SH3KBP1: variants seen among roughly 807,000 people sequenced by gnomAD.
SH3KBP1 encodes SH3 domain containing kinase binding protein 1, also known as SH3 domain-containing kinase-binding protein 1.
Under a neutral mutation model 50.1 loss-of-function variants are expected in SH3KBP1, and 8 were observed. That is an observed-to-expected ratio of 0.16 (90% CI 0.09 to 0.29). SH3KBP1 has a LOEUF of 0.29. Among genes scored for constraint, SH3KBP1 ranks in the 10% least tolerant of loss-of-function variants. The probability of loss-of-function intolerance (pLI) is 1.00; values close to 1 mark genes in which losing one functional copy is unlikely to be tolerated. For missense variants in SH3KBP1, 377 were observed against 535.2 expected (o/e 0.70, Z 2.92); for synonymous variants, 227 against 218.6 (o/e 1.04, Z -0.34).
At chrX:19,782,600 T>C (rs1029532672) in intron 2 of SH3KBP1, among the ~76,000 whole-genome samples, 12 of 111,314 alleles carry the variant, frequency 1.1e-4, no homozygotes. Flanking sequence ...TTTCGCAAGA[T>C]GGGATTCTGC....
At chrX:19,776,194 T>C (rs1209751490) in intron 2 of SH3KBP1, among the ~76,000 whole-genome samples, 1 of 111,772 alleles carries the variant, frequency 8.9e-6, no homozygotes, top group Admixed American at 9.6e-5. Flanking sequence ...AACATGTCAA[T>C]GTCCACGCTT....
chrX:19,764,139 A>T (rs1266558447), intron 2 of SH3KBP1, among the ~76,000 whole-genome samples: 1 of 109,659 alleles, frequency 9.1e-6, no homozygotes, highest in Non-Finnish European at 1.9e-5. Context: ...AAAAAGAAAC[A>T]CCCAGAAGCC....
Position 19,887,480 on chromosome X carries a change from CGCTGCTGCCTCTGCT to C in SH3KBP1, c.-185_-171del, listed in dbSNP as rs2069632458. ...GCGGCGGCGGCGGCTCAGCGCCGCC[CGCTGCTGCCTCTGCT>C]GCTGCTGCCGCTGCTGCCCCGGGGC... On this transcript the variant is annotated 5_prime_UTR_variant, in exon 1 of 18. Transcript: ENST00000397821. 3.1e-6 allele frequency: 1 copy of C among 317,585 alleles called. No homozygotes were observed. Among genetic ancestry groups the C allele is most frequent in the Non-Finnish European group, 5.1e-6 (1 of 197,766 alleles). The allele number at this position is 317,585 out of a possible 1,213,427, so 26.2% of individuals were successfully genotyped here.
chrX:19,584,301 T>TTATATA (rs2066489837), intron 12 of SH3KBP1, among the ~76,000 whole-genome samples: 1 of 93,050 alleles, frequency 1.1e-5, no homozygotes, highest in African/African-American at 4.2e-5. Flanking sequence ...ATATTTATAT[T>TTATATA]TATAAATATG....
At chrX:19,540,077 G>A (rs978146957) in intron 16 of SH3KBP1, among the ~76,000 whole-genome samples, 1 of 111,451 alleles carries the variant, frequency 9.0e-6, no homozygotes, top group Non-Finnish European at 1.9e-5. Flanking sequence ...CAATGCTCTG[G>A]GGTATCCTGG....
At chrX:19,707,320 G>C (rs2063672673) in intron 3 of SH3KBP1, among the ~76,000 whole-genome samples, 1 of 112,131 alleles carries the variant, frequency 8.9e-6, no homozygotes, top group Non-Finnish European at 1.9e-5. Flanking sequence ...TGCTGCTGTT[G>C]ATTTTTAATG....
chrX:19,852,765 C>T (rs2068543769), intron 1 of SH3KBP1, among the ~76,000 whole-genome samples: 1 of 111,325 alleles, frequency 9.0e-6, no homozygotes, highest in Admixed American at 9.6e-5. Context: ...GACATTTTCT[C>T]AGACAGAATG....
At chrX:19,709,309 T>C (rs1278252871) in intron 3 of SH3KBP1, among the ~76,000 whole-genome samples, 2 of 111,604 alleles carry the variant, frequency 1.8e-5, no homozygotes, top group Non-Finnish European at 3.8e-5. Flanking sequence ...AGGTGGCTGG[T>C]GGTAAAGATC....
At position 19,852,715 on chromosome X, in the gene SH3KBP1, C is replaced by G. The variant is rs2147485924; in HGVS notation, c.5-16433G>C. ...TAGGCAGTAGGTTCAAATATGAAAC[C>G]AGGCCAAATTAGGCCTGCTGCCCTT... is the stretch of plus-strand genomic sequence containing the variant. On this transcript the variant is annotated intron_variant, in intron 1 of 17. Transcript: ENST00000397821. 1.8e-5 allele frequency among the ~76,000 whole-genome samples: 2 copies of G among 108,788 alleles called. 1 individual carries two copies. The highest frequency in any genetic ancestry group is 7.8e-4 in the South Asian group (2 of 2,565). The allele number at this position is 108,788 out of a possible 115,157, so 94.5% of individuals were successfully genotyped here. A position where few individuals can be genotyped will look rare whatever the true frequency, so the allele number is the denominator to read the frequency against.
At chrX:19,683,793 T>C in intron 6 of SH3KBP1, 30 bp downstream of exon 6, 1 of 1,175,856 alleles carries the variant, frequency 8.5e-7, no homozygotes. Flanking sequence ...CCACATTAAG[T>C]TGAAATCAAA....
intron 12 of SH3KBP1, among the ~76,000 whole-genome samples, chrX:19,572,450 TTATATATAGTACATATATAC>T (rs1427090206): frequency 2.2e-4 from 24 of 107,255 alleles, no homozygotes; most frequent in African/African-American, 7.1e-4. Flanking sequence ...ATAGTACATG[TTATATATAGTACATATATAC>T]TATATATAGT....
At chrX:19,540,292 G>A (rs768258906) in intron 16 of SH3KBP1, among the ~76,000 whole-genome samples, 12 of 110,890 alleles carry the variant, frequency 1.1e-4, no homozygotes, top group Non-Finnish European at 2.3e-4. Context: ...CTTCCAGGCT[G>A]GGGTAAGTCC....
At chrX:19,638,244 A>G (rs910061284) in intron 7 of SH3KBP1, among the ~76,000 whole-genome samples, 7 of 109,002 alleles carry the variant, frequency 6.4e-5, no homozygotes, top group Non-Finnish European at 1.3e-4. Context: ...CCCCGTCTCC[A>G]CTAAAAATAC....
At chrX:19,866,968 A>G (rs1016959917) in intron 1 of SH3KBP1, among the ~76,000 whole-genome samples, 3 of 111,063 alleles carry the variant, frequency 2.7e-5, no homozygotes, top group African/African-American at 9.8e-5. Flanking sequence ...AACCATAGCC[A>G]ACATGCACTC....
At chrX:19,565,281 C>G (rs770988122) in intron 13 of SH3KBP1, among the ~76,000 whole-genome samples, 1 of 109,234 alleles carries the variant, frequency 9.2e-6, no homozygotes, top group South Asian at 4.0e-4. Flanking sequence ...AGGCTGGTCT[C>G]GAACTCCTGA....
chrX:19,846,896 G>T (rs1307852671), intron 1 of SH3KBP1, among the ~76,000 whole-genome samples: 2 of 111,668 alleles, frequency 1.8e-5, no homozygotes, highest in Non-Finnish European at 3.8e-5. Flanking sequence ...CTTGTCTTGA[G>T]GATAGGATAG....
At chrX:19,595,836 G>A (rs1388738133) in intron 9 of SH3KBP1, among the ~76,000 whole-genome samples, 1 of 111,856 alleles carries the variant, frequency 8.9e-6, no homozygotes, top group Non-Finnish European at 1.9e-5. Flanking sequence ...GGGGGAAGCA[G>A]TGATCTCTGA....
At chrX:19,784,673 G>A (rs1362561804) in intron 2 of SH3KBP1, among the ~76,000 whole-genome samples, 2 of 110,848 alleles carry the variant, frequency 1.8e-5, no homozygotes, top group Non-Finnish European at 3.8e-5. Context: ...GCAGTGGCGC[G>A]ATCTCAGCTC....
chrX:19,537,254 C>T (rs2064738610), intron 17 of SH3KBP1, among the ~76,000 whole-genome samples: 2 of 110,737 alleles, frequency 1.8e-5, no homozygotes, highest in East Asian at 2.8e-4. Flanking sequence ...GTCAGGAGAT[C>T]GAGACCATCC....
Sources: allele counts gnomAD v4.1 joint callset (sites outside exome capture counted in the v4.1 genomes callset), GRCh38; gene constraint gnomAD v4.1.1; transcripts MANE v1.5; gene names NCBI Gene and HGNC (gene_info 2026-07-23, HGNC 2026-07-21).